CACNA1S: variants seen among roughly 807,000 people sequenced by gnomAD.
CACNA1S encodes the protein voltage-dependent L-type calcium channel subunit alpha-1S.
A neutral mutation model predicts 207.4 loss-of-function variants in CACNA1S; 126 were observed. That is an observed-to-expected ratio of 0.61 (90% CI 0.53 to 0.70). The LOEUF is 0.70. Ranked by LOEUF, CACNA1S falls within the 30% of genes least tolerant of loss-of-function variation. The pLI is 0.00. For synonymous variants in CACNA1S, 960 were observed against 932.7 expected, an observed-to-expected ratio of 1.03 and a Z score of -0.53; for missense variants, 2,349 against 2,422.8, an observed-to-expected ratio of 0.97 and a Z score of 0.64.
intron 29 of CACNA1S, among the ~76,000 whole-genome samples, chr1:201,054,191 G>GAAA (rs1660752945): frequency 1.3e-5 from 2 of 152,194 alleles, no homozygotes; most frequent in Non-Finnish European, 2.9e-5. Flanking sequence ...TGTGCCCAAT[G>GAAA]AACTGTCACT....
chr1:201,076,916 C>A lies in CACNA1S; in HGVS notation c.1827+4G>T, dbSNP rs1202075766. 1.9e-6 allele frequency: 3 copies of A among 1,613,744 alleles called. No homozygotes were observed. The South Asian group carries it at 3.3e-5, about 18-fold the overall frequency. ...AAGGAGGGACACGCAGAGGGAGAGC[C>A]TACCTGGAAGACGCTGATGAGGGCT... On this transcript the variant is annotated splice_donor_region_variant and intron_variant, in intron 12 of 43. Coordinates refer to ENST00000362061, the MANE Select transcript of CACNA1S (RefSeq NM_000069.3).
chr1:201,048,609 G>A lies in CACNA1S; in HGVS notation c.4414C>T (p.Arg1472Cys), dbSNP rs201257304. 6.4e-5 allele frequency: 104 copies of A among 1,613,810 alleles called. No individual in the cohort carries two copies. Among genetic ancestry groups the A allele is most frequent in the South Asian group, 1.2e-4 (11 of 91,078 alleles). ...TCCGTCTTGATCTTGAGTGCCGTGC[G>A]GACCAGGGCAAAGAGTGTGGCATTG... ...TFNATLFALV[R>C]TALKIKTEGN... Residue 1472 changes from arginine to cysteine, a missense_variant, in exon 36 of 44, where the codon CGC (arginine) becomes TGC (cysteine). Coordinates refer to ENST00000362061, the MANE Select transcript of CACNA1S (RefSeq NM_000069.3).
At chr1:201,045,702 T>A (rs1462791191) in intron 38 of CACNA1S, among the ~76,000 whole-genome samples, 2 of 122,870 alleles carry the variant, frequency 1.6e-5, no homozygotes, top group African/African-American at 3.2e-5. Context: ...GCCTCTGCAC[T>A]CCAGCCTGGG....
intron 21 of CACNA1S, 26 bp from the exon 22 acceptor site, chr1:201,065,971 C>CCCCAGTCCCCA: frequency 2.6e-6 from 4 of 1,510,866 alleles, no homozygotes; most frequent in Non-Finnish European, 3.7e-6. Context: ...CCAATGGGGA[C>CCCCAGTCCCCA]TGGGGGTGCA....
chr1:201,082,736 T>G (rs940372556), intron 10 of CACNA1S, among the ~76,000 whole-genome samples: 1 of 152,220 alleles, frequency 6.6e-6, no homozygotes, highest in African/African-American at 2.4e-5. Context: ...TCCTGTGCCT[T>G]ACATGTAGGA....
chr1:201,060,731 A>T lies in CACNA1S; in HGVS notation c.3341T>A (p.Ile1114Asn). The part of the protein sequence containing the change: ...KNPYQYQVWY[I>N]VTSSYFEYLM... Reference sequence around the variant, plus strand: ...GTATTCAAAGTAGGAGGAGGTGACAATGTACCACACCTGGTACTGGTATGG... The same window carrying T: ...GTATTCAAAGTAGGAGGAGGTGACATTGTACCACACCTGGTACTGGTATGG... Residue 1114 changes from isoleucine to asparagine, a missense_variant, in exon 26 of 44, where the codon ATT becomes AAT. Transcript: ENST00000362061. The T allele has an allele frequency of 6.2e-7, 1 of 1,614,158 alleles. No homozygotes were observed. The highest frequency in any genetic ancestry group is 8.5e-7 in the Non-Finnish European group (1 of 1,180,018).
intron 17 of CACNA1S, 48 bp downstream of exon 17, chr1:201,070,224 A>G: frequency 1.2e-6 from 2 of 1,608,024 alleles, no homozygotes; most frequent in Non-Finnish European, 1.7e-6. Context: ...GCAGGGAAGC[A>G]GATGAGAGCC....
chr1:201,069,029 G>A, intron 19 of CACNA1S, 108 bp downstream of exon 19: 2 of 985,000 alleles, frequency 2.0e-6, no homozygotes, highest in South Asian at 1.3e-5. Flanking sequence ...TTTCCTGCCA[G>A]TCTCCACCTC....
At chr1:201,043,217 T>A in intron 40 of CACNA1S, 64 bp downstream of exon 40, 1 of 1,610,854 alleles carries the variant, frequency 6.2e-7, no homozygotes. Flanking sequence ...CAATCCAACC[T>A]GGAACCTGCT....
At chr1:201,058,643 C>G in intron 27 of CACNA1S, 152 bp from the exon 28 acceptor site, 1 of 692,574 alleles carries the variant, frequency 1.4e-6, no homozygotes, top group Non-Finnish European at 2.7e-6. Context: ...CACTGGTGCT[C>G]CAGTGGGCTC....
chr1:201,069,746 T>A lies in CACNA1S; in HGVS notation c.2361-145A>T, dbSNP rs1572042831. 1.4e-5 allele frequency: 14 copies of A among 988,282 alleles called. No homozygotes were observed. In the East Asian group the frequency reaches 3.8e-4, roughly 27 times the overall value. 61.2% of individuals were successfully genotyped at this position (988,282 alleles called of 1,614,324 possible). Reference sequence around the variant, plus strand: ...GAAGTGCAGCCCTGCACCTGCAGGGTCCTCTGGCTGGACACACAGGGGGCC... The same window carrying A: ...GAAGTGCAGCCCTGCACCTGCAGGGACCTCTGGCTGGACACACAGGGGGCC... On this transcript the variant is annotated intron_variant, in intron 17 of 43. Transcript: ENST00000362061.
intron 2 of CACNA1S, among the ~76,000 whole-genome samples, chr1:201,106,200 T>A (rs887186212): frequency 7.4e-6 from 1 of 134,284 alleles, no homozygotes; most frequent in Admixed American, 8.0e-5. Context: ...GGATTCCACC[T>A]GGCAGGTCTT....
At chr1:201,069,855 G>A (rs1176762713) in intron 17 of CACNA1S, among the ~76,000 whole-genome samples, 2 of 152,022 alleles carry the variant, frequency 1.3e-5, no homozygotes, top group Non-Finnish European at 2.9e-5. Flanking sequence ...TGCAATTATG[G>A]CACCACCCTG....
chr1:201,090,365 A>G (rs1558079983), intron 5 of CACNA1S, among the ~76,000 whole-genome samples: 1 of 152,198 alleles, frequency 6.6e-6, no homozygotes, highest in Non-Finnish European at 1.5e-5. Flanking sequence ...TGCTTATGAT[A>G]GGATGTAGAT....
chr1:201,098,735 A>G (rs1448553759), intron 2 of CACNA1S, among the ~76,000 whole-genome samples: 2 of 152,218 alleles, frequency 1.3e-5, no homozygotes, highest in Non-Finnish European at 2.9e-5. Flanking sequence ...GCAGGAGGGC[A>G]GTGGCTGTCC....
Position 201,051,066 on chromosome 1 carries a change from T to C in CACNA1S, c.4031A>G (p.Tyr1344Cys), listed in dbSNP as rs751628875. 2 of 1,614,202 alleles carry C rather than the reference T, an allele frequency of 1.2e-6. No homozygotes were observed. The highest frequency in any genetic ancestry group is 2.2e-5 in the South Asian group (2 of 91,080). ...YGKLCDPESD[Y>C]APGEEYTCGT... ...ACATGTGTACTCCTCCCCTGGGGCA[T>C]AGTCCGACTCTGGGTCACACAGCTT... The change falls in exon 33 of 44, where the codon TAT becomes TGT. Residue 1344 changes from tyrosine (Y) to cysteine (C), a missense_variant. Coordinates refer to ENST00000362061, the MANE Select transcript of CACNA1S (RefSeq NM_000069.3).
chr1:201,040,709 G>A lies in CACNA1S; in HGVS notation c.5139C>T (p.Pro1713=), dbSNP rs751708117. Residue 1713 remains proline, a synonymous_variant, in exon 42 of 44, where the codon CCC becomes CCT. Transcript: ENST00000362061. ...ALGQPCRVLG[P]HSKPCVEMLK... is the part of the protein sequence containing the mutation. ...GCATCTCCACACAGGGTTTGCTGTG[G>A]GGTCCTGTATGCAAGAAGGGGCAAG... The A allele has an allele frequency of 3.1e-6, 5 of 1,613,674 alleles. No homozygotes were observed. The highest frequency in any genetic ancestry group is 4.2e-6 in the Non-Finnish European group (5 of 1,179,756).
chr1:201,110,058 G>T, intron 2 of CACNA1S, 106 bp downstream of exon 2: 1 of 1,028,516 alleles, frequency 9.7e-7, no homozygotes, highest in Non-Finnish European at 1.5e-6. Context: ...CATCGTCAGG[G>T]AGTTGAACCA....
intron 34 of CACNA1S, among the ~76,000 whole-genome samples, chr1:201,049,524 C>T (rs1021914563): frequency 2.4e-4 from 36 of 152,088 alleles, no homozygotes; most frequent in Non-Finnish European, 4.0e-4. Flanking sequence ...TTCATTGGCA[C>T]CGTGACTCCC....
Sources: allele counts gnomAD v4.1 joint callset (sites outside exome capture counted in the v4.1 genomes callset), GRCh38; gene constraint gnomAD v4.1.1; transcripts MANE v1.5; gene names NCBI Gene and HGNC (gene_info 2026-07-23, HGNC 2026-07-21).